SPATA6: variants seen among roughly 807,000 people sequenced by gnomAD.
SPATA6 encodes the protein spermatogenesis-associated protein 6.
SPATA6 carries 56 observed loss-of-function variants against 65.3 expected under a neutral mutation model. The ratio of observed to expected loss-of-function variants is 0.86; its 90% CI spans 0.69 to 1.07. The LOEUF is 1.07. Among genes scored for constraint, SPATA6 ranks in the 50% least tolerant of loss-of-function variants. SPATA6 has a pLI of 0.00. For synonymous variants in SPATA6, 199 were observed against 213.2 expected (o/e 0.93, Z 0.58); for missense variants, 590 against 594.8 (o/e 0.99, Z 0.08).
intron 3 of SPATA6, chr1:48,436,069 C>A: frequency 6.2e-7 from 1 of 1,609,696 alleles, no homozygotes; most frequent in South Asian, 1.1e-5. Flanking sequence ...GGTTGATGAG[C>A]CAACCCTTTC....
At chr1:48,276,056 G>A in the SPATA6 span, among the ~76,000 whole-genome samples, 1 of 152,246 alleles carries the variant, frequency 6.6e-6, no homozygotes, top group East Asian at 1.9e-4. Context: ...TTCTGATTTA[G>A]TCTTGGGAAG....
At chr1:48,428,203 C>T (rs1557697607) in intron 3 of SPATA6, among the ~76,000 whole-genome samples, 1 of 152,078 alleles carries the variant, frequency 6.6e-6, no homozygotes, top group Admixed American at 6.5e-5. Flanking sequence ...GCCTGTAATC[C>T]CAGCACTTTG....
chr1:48,280,216 C>T, the SPATA6 span, among the ~76,000 whole-genome samples: 1 of 151,950 alleles, frequency 6.6e-6, no homozygotes. Context: ...ACTAAATGCC[C>T]ACAAGACAAA....
chr1:48,436,139 A>G (rs1323744553), intron 3 of SPATA6: 1 of 1,610,160 alleles, frequency 6.2e-7, no homozygotes, highest in Non-Finnish European at 8.5e-7. Flanking sequence ...GTTTCTCACT[A>G]CGAGCTCCAA....
intron 9 of SPATA6, 112 bp from the exon 10 acceptor site, chr1:48,359,882 CTAA>C: frequency 1.3e-6 from 1 of 773,552 alleles, no homozygotes; most frequent in East Asian, 2.9e-5. Context: ...CACACACACA[CTAA>C]TTTTATAAAA....
intron 11 of SPATA6, among the ~76,000 whole-genome samples, chr1:48,316,935 T>C (rs551053749): frequency 4.6e-5 from 7 of 152,244 alleles, no homozygotes; most frequent in African/African-American, 1.4e-4. Context: ...AAAATGCTCA[T>C]CATCACTGGC....
intron 1 of SPATA6, among the ~76,000 whole-genome samples, chr1:48,470,281 G>A (rs77436901): frequency 0.035 from 5,389 of 152,238 alleles, 311 homozygotes; most frequent in African/African-American, 0.12. Flanking sequence ...CAGCCAGTCA[G>A]GCAGCTGCGC....
chr1:48,435,539 A>G (rs1890322), intron 3 of SPATA6, among the ~76,000 whole-genome samples: 148,059 of 151,884 alleles, frequency 0.97, 72,252 homozygotes, highest in East Asian at 1. Context: ...CATTGTAAAC[A>G]CACCAATCAG....
intron 11 of SPATA6, among the ~76,000 whole-genome samples, chr1:48,351,393 G>A (rs559947612): frequency 7.9e-5 from 12 of 151,944 alleles, no homozygotes; most frequent in Admixed American, 3.9e-4. Flanking sequence ...CTTTGTTTCC[G>A]AACTTTGAGA....
intron 12 of SPATA6, among the ~76,000 whole-genome samples, chr1:48,304,745 T>G (rs1018539124): frequency 6.6e-6 from 1 of 152,164 alleles, no homozygotes; most frequent in Non-Finnish European, 1.5e-5. Context: ...TAAAAACAAC[T>G]TAGATAATTT....
chr1:48,340,579 ACT>A (rs1172134856), intron 11 of SPATA6, among the ~76,000 whole-genome samples: 3 of 151,606 alleles, frequency 2.0e-5, no homozygotes, highest in Non-Finnish European at 2.9e-5. Context: ...AAAAATAAGC[ACT>A]CTATAAGTTA....
intron 11 of SPATA6, among the ~76,000 whole-genome samples, chr1:48,327,155 A>G (rs1645786126): frequency 6.6e-6 from 1 of 152,170 alleles, no homozygotes; most frequent in African/African-American, 2.4e-5. Context: ...ACACACTAAA[A>G]AAAGAAAAAC....
chr1:48,353,525 T>C (rs1646572466), intron 11 of SPATA6, among the ~76,000 whole-genome samples: 3 of 150,792 alleles, frequency 2.0e-5, no homozygotes, highest in South Asian at 2.1e-4. Flanking sequence ...ACCATGCATA[T>C]ACTAGACAAA....
At chr1:48,443,409 T>C (rs945111261) in intron 3 of SPATA6, among the ~76,000 whole-genome samples, 1 of 152,164 alleles carries the variant, frequency 6.6e-6, no homozygotes, top group Non-Finnish European at 1.5e-5. Context: ...GGGTTAGAAA[T>C]GGCCACTGCT....
chr1:48,354,879 G>A (rs1646613748), intron 11 of SPATA6, among the ~76,000 whole-genome samples: 2 of 151,990 alleles, frequency 1.3e-5, no homozygotes, highest in South Asian at 4.2e-4. Flanking sequence ...TTCTCAAGCT[G>A]TTACTTATTA....
intron 1 of SPATA6, among the ~76,000 whole-genome samples, chr1:48,458,492 G>A (rs1034969394): frequency 6.6e-6 from 1 of 152,106 alleles, no homozygotes; most frequent in African/African-American, 2.4e-5. Flanking sequence ...AGAGTATCCA[G>A]GACTTCTTTT....
In SPATA6 at chr1:48,298,873, C is replaced by A. The variant is rs1644863359; in HGVS notation, c.1307G>T (p.Gly436Val). ...PEYSSCQQPR[G>V]TFHLDDGEYW... is the part of the protein sequence containing the mutation. ...TTCACCGTCATCCAAATGGAAAGTG[C>A]CACGTGGCTGCTGACATGAGCTATA... Residue 436 changes from glycine (G) to valine (V), a missense_variant, in exon 13 of 13, where the codon GGC (glycine) becomes GTC (valine). Physicochemically the swap from Gly to Val is moderately radical, Grantham distance 109 (BLOSUM62 -3). Transcript: ENST00000371847. 2.5e-6 allele frequency: 4 copies of A among 1,612,750 alleles called. No homozygotes were observed. In the East Asian group the frequency reaches 8.9e-5, roughly 36 times the overall value.
At chr1:48,457,491 T>C (rs760706839) in intron 1 of SPATA6, among the ~76,000 whole-genome samples, 86 of 152,246 alleles carry the variant, frequency 5.6e-4, no homozygotes, top group Non-Finnish European at 7.2e-4. Context: ...GAGAGAATCT[T>C]GAAAACAGCA....
chr1:48,382,635 C>CG (rs1648835912), intron 9 of SPATA6, among the ~76,000 whole-genome samples: 1 of 65,054 alleles, frequency 1.5e-5, no homozygotes, highest in Non-Finnish European at 3.6e-5. Context: ...GCCGACCCCC[C>CG]CCCCCCCGCC....
Sources: allele counts gnomAD v4.1 joint callset (sites outside exome capture counted in the v4.1 genomes callset), GRCh38; gene constraint gnomAD v4.1.1; transcripts MANE v1.5; gene names NCBI Gene and HGNC (gene_info 2026-07-23, HGNC 2026-07-21).